The following NRXN3 variants were observed in gnomAD, a reference collection of about 807,000 sequenced individuals.
NRXN3 encodes the protein neurexin III.
A neutral mutation model predicts 137.6 loss-of-function variants in NRXN3; 32 were observed. The observed-to-expected ratio is 0.23, with a 90% CI of 0.18 to 0.31. The LOEUF (loss-of-function observed/expected upper bound fraction) is 0.31, where lower values mean the gene tolerates loss of function less well. Among genes scored for constraint, NRXN3 ranks in the 10% least tolerant of loss-of-function variants. The pLI, the probability that NRXN3 is intolerant of heterozygous loss-of-function variation, is 1.00. For synonymous variants in NRXN3, 798 were observed against 784.5 expected, an observed-to-expected ratio of 1.02 and a Z score of -0.29; for missense variants, 1,574 against 2,062.5, an observed-to-expected ratio of 0.76 and a Z score of 4.59.
intron 20 of NRXN3, among the ~76,000 whole-genome samples, chr14:79,812,550 C>G (rs1290261982): frequency 6.6e-6 from 1 of 152,216 alleles, no homozygotes; most frequent in African/African-American, 2.4e-5. Flanking sequence ...CAAGCAGTGA[C>G]AGATTCAACT....
intron 15 of NRXN3, among the ~76,000 whole-genome samples, chr14:79,057,569 A>C (rs1208005431): frequency 6.6e-6 from 1 of 152,232 alleles, no homozygotes; most frequent in Non-Finnish European, 1.5e-5. Context: ...AAACTGGTAG[A>C]TTTTAGAATG....
rs1356414139 is a variant in NRXN3, at chr14:78,683,650, CAGTG to C, written c.1222-25562_1222-25559del. Among the ~76,000 whole-genome samples, 6 of 152,144 alleles carry C rather than the reference CAGTG, an allele frequency of 3.9e-5. No individual in the cohort carries two copies. The East Asian group carries it at 7.7e-4, about 20-fold the overall frequency. ...TCCGCAGATTGCACTGTATTAGTGA[CAGTG>C]AGTGTATTCTAAGAGAGGAGAGGAT... On this transcript the variant is annotated intron_variant, in intron 6 of 20. Coordinates refer to ENST00000335750, the MANE Select transcript of NRXN3 (RefSeq NM_001330195.2).
At chr14:78,846,724 C>T (rs1281081391) in intron 10 of NRXN3, among the ~76,000 whole-genome samples, 1 of 152,054 alleles carries the variant, frequency 6.6e-6, no homozygotes. Flanking sequence ...AATGAAACCA[C>T]TTATGGTCAG....
At chr14:79,749,775 A>C (rs2098991420) in intron 19 of NRXN3, among the ~76,000 whole-genome samples, 1 of 108,108 alleles carries the variant, frequency 9.3e-6, no homozygotes, top group African/African-American at 3.6e-5. Context: ...TTAATGCACC[A>C]AACATTTTTT....
At chr14:79,245,697 T>G (rs946808475) in intron 15 of NRXN3, among the ~76,000 whole-genome samples, 11 of 152,318 alleles carry the variant, frequency 7.2e-5, no homozygotes, top group African/African-American at 2.6e-4. Context: ...ATAAGTTTCA[T>G]TTTTGTTGCA....
intron 19 of NRXN3, among the ~76,000 whole-genome samples, chr14:79,777,020 C>T (rs1302012512): frequency 5.9e-5 from 9 of 152,166 alleles, no homozygotes; most frequent in Non-Finnish European, 2.9e-5. Context: ...CCCACACCTC[C>T]ACCTGCAAGG....
chr14:78,306,997 AT>A (rs901550773), intron 4 of NRXN3, among the ~76,000 whole-genome samples: 7 of 152,094 alleles, frequency 4.6e-5, no homozygotes, highest in African/African-American at 1.7e-4. Flanking sequence ...TTTTAAATTA[AT>A]TTTTTTATTT....
intron 17 of NRXN3, among the ~76,000 whole-genome samples, chr14:79,688,866 C>T (rs2098705379): frequency 6.6e-6 from 1 of 152,030 alleles, no homozygotes. Context: ...TTCTCAATCC[C>T]TTATCAAAAA....
chr14:79,536,408 C>T (rs943702891), intron 16 of NRXN3, among the ~76,000 whole-genome samples: 1 of 151,512 alleles, frequency 6.6e-6, no homozygotes, highest in Non-Finnish European at 1.5e-5. Context: ...CTCAGATTTA[C>T]ATCTGGTCAC....
chr14:79,415,068 C>CTA (rs931261272), intron 15 of NRXN3, among the ~76,000 whole-genome samples: 16 of 152,046 alleles, frequency 1.1e-4, no homozygotes, highest in African/African-American at 3.9e-4. Context: ...AATAATATTT[C>CTA]TATATATATG....
chr14:79,327,502 C>T (rs535376005), intron 15 of NRXN3, among the ~76,000 whole-genome samples: 49 of 152,180 alleles, frequency 3.2e-4, no homozygotes, highest in African/African-American at 1.2e-3. Context: ...AAGGGGAGGG[C>T]CCATTTGAAT....
chr14:78,290,227 A>G (rs142173192), intron 3 of NRXN3, among the ~76,000 whole-genome samples: 2 of 152,340 alleles, frequency 1.3e-5, no homozygotes, highest in African/African-American at 4.8e-5. Flanking sequence ...ATTTACATTT[A>G]GCCCTTAAAA....
At chr14:79,708,882 G>A (rs191016985) in intron 19 of NRXN3, among the ~76,000 whole-genome samples, 19 of 152,270 alleles carry the variant, frequency 1.2e-4, no homozygotes, top group Admixed American at 5.9e-4. Flanking sequence ...GTGGTGGCTA[G>A]CAGTCACTGA....
chr14:79,258,889 C>CT (rs1364640636), intron 15 of NRXN3, among the ~76,000 whole-genome samples: 1 of 152,208 alleles, frequency 6.6e-6, no homozygotes, highest in African/African-American at 2.4e-5. Flanking sequence ...AGAACTGAAA[C>CT]TTTGTCTTTT....
intron 19 of NRXN3, 43 bp downstream of exon 19, chr14:79,697,980 T>C (rs769096724): frequency 2.6e-6 from 4 of 1,532,168 alleles, no homozygotes; most frequent in East Asian, 4.6e-5. Context: ...TATTTTTATC[T>C]TTGCAACATT....
At chr14:78,437,942 G>A (rs1169503560) in intron 4 of NRXN3, among the ~76,000 whole-genome samples, 2 of 152,170 alleles carry the variant, frequency 1.3e-5, no homozygotes, top group African/African-American at 4.8e-5. Flanking sequence ...TCTGCAAACA[G>A]ACTTAATTTT....
chr14:79,337,478 G>A (rs1383185211), intron 15 of NRXN3, among the ~76,000 whole-genome samples: 1 of 152,108 alleles, frequency 6.6e-6, no homozygotes, highest in African/African-American at 2.4e-5. Flanking sequence ...AAAGGATGGC[G>A]ATATATTGCT....
At chr14:79,565,348 C>CAT (rs1382372387) in intron 16 of NRXN3, among the ~76,000 whole-genome samples, 1 of 142,064 alleles carries the variant, frequency 7.0e-6, no homozygotes, top group East Asian at 2.1e-4. Context: ...CATATGTGTG[C>CAT]GTATATGTAT....
At chr14:79,014,566 T>C (rs183165949) in intron 15 of NRXN3, among the ~76,000 whole-genome samples, 1 of 152,294 alleles carries the variant, frequency 6.6e-6, no homozygotes, top group East Asian at 1.9e-4. Flanking sequence ...AATGAATGTA[T>C]GTGTGCATGT....
Sources: allele counts gnomAD v4.1 joint callset (sites outside exome capture counted in the v4.1 genomes callset), GRCh38; gene constraint gnomAD v4.1.1; transcripts MANE v1.5; gene names NCBI Gene and HGNC (gene_info 2026-07-23, HGNC 2026-07-21).